Variants in CUX1 observed in about 807,000 individuals in gnomAD.
CUX1 encodes cut like homeobox 1, also known as protein CASP.
CUX1 carries 31 observed loss-of-function variants against 158.8 expected under a neutral mutation model. The ratio of observed to expected loss-of-function variants is 0.20; its 90% CI spans 0.15 to 0.26. CUX1 has a LOEUF of 0.26. CUX1 is among the 10% of genes least tolerant of loss of function. The pLI is 1.00. For synonymous variants in CUX1, 879 were observed against 862.1 expected (o/e 1.02, Z -0.34); for missense variants, 1,589 against 2,014.6 (o/e 0.79, Z 4.04).
intron 6 of CUX1, among the ~76,000 whole-genome samples, chr7:102,108,005 A>G (rs79025455): frequency 0.012 from 1,793 of 152,328 alleles, 81 homozygotes; most frequent in Admixed American, 0.077. Context: ...CCCCGTTGAT[A>G]CGGATTTGGT....
chr7:101,931,003 G>A (rs933143846), intron 2 of CUX1, among the ~76,000 whole-genome samples: 1 of 152,152 alleles, frequency 6.6e-6, no homozygotes, highest in Admixed American at 6.5e-5. Flanking sequence ...AGGCTGAGAC[G>A]GAGAATCACT....
intron 2 of CUX1, among the ~76,000 whole-genome samples, chr7:101,951,890 G>C (rs539695496): frequency 6.6e-6 from 1 of 152,204 alleles, no homozygotes; most frequent in Non-Finnish European, 1.5e-5. Context: ...TGTAGGTTTC[G>C]GCAGGGCCAT....
Position 102,201,797 on chromosome 7 carries a change from A to G in CUX1, c.2500A>G (p.Asn834Asp). The G allele has an allele frequency of 6.2e-7, 1 of 1,612,934 alleles. No individual in the cohort carries two copies. The highest frequency in any genetic ancestry group is 8.5e-7 in the Non-Finnish European group (1 of 1,179,916). ...WWSAVQPERR[N>D]AASSEEAKAE... is the part of the protein sequence containing the mutation. ...GAGCGCGGTGCAGCCGGAGAGAAGA[A>G]ATGCCGCCTCCTCCGAGGAGGCCAA... is the stretch of plus-strand genomic sequence containing the variant. Residue 834 changes from asparagine (N) to aspartate (D), a missense_variant, in exon 18 of 24, where the codon AAT (asparagine) becomes GAT (aspartate). Coordinates refer to ENST00000292535, the MANE Select transcript of CUX1 (RefSeq NM_181552.4). This position sits in a 1 kb window ranked among gnomAD's most constrained non-coding sequence, Gnocchi z 5.0.
At chr7:102,221,836 G>T (rs1267014028) in intron 20 of CUX1, among the ~76,000 whole-genome samples, 1 of 152,030 alleles carries the variant, frequency 6.6e-6, no homozygotes, top group Non-Finnish European at 1.5e-5. Context: ...GTACTGTGCA[G>T]TGGGGCTTTT....
intron 8 of CUX1, among the ~76,000 whole-genome samples, chr7:102,119,932 A>T (rs782354866): frequency 1.6e-4 from 24 of 152,092 alleles, no homozygotes; most frequent in Admixed American, 2.6e-4. Flanking sequence ...GCAAATGGAG[A>T]TTTACCACCC....
intron 20 of CUX1, among the ~76,000 whole-genome samples, chr7:102,212,542 G>T (rs1221982401): frequency 7.2e-5 from 11 of 152,090 alleles, no homozygotes; most frequent in Non-Finnish European, 1.6e-4. Context: ...TGATTTGCAG[G>T]ATTTTTTCCA....
chr7:101,907,540 G>A (rs149015552), intron 1 of CUX1, among the ~76,000 whole-genome samples: 1 of 152,062 alleles, frequency 6.6e-6, no homozygotes, highest in African/African-American at 2.4e-5. Context: ...GTAGAGACAG[G>A]GTTTCACCAT....
At chr7:102,107,074 G>C (rs1281292781) in intron 6 of CUX1, among the ~76,000 whole-genome samples, 6 of 151,692 alleles carry the variant, frequency 4.0e-5, no homozygotes, top group African/African-American at 1.5e-4. Context: ...TGGCATGAAT[G>C]AATGTATGAA....
Position 102,205,143 on chromosome 7 carries a change from C to T in CUX1, c.3103C>T (p.Pro1035Ser). The change falls in exon 20 of 24, where the codon CCG (proline) becomes TCG (serine). Residue 1035 changes from proline to serine, a missense_variant. Transcript: ENST00000292535. ...VLHSVTSLQD[P>S]LQQGCVSSES... ...CCACTCCGTGACATCGCTCCAGGAC[C>T]CGCTGCAGCAGGGCTGTGTGAGCTC... 1 of 1,612,058 alleles carries T rather than the reference C, an allele frequency of 6.2e-7. No homozygotes were observed. Among genetic ancestry groups the T allele is most frequent in the Non-Finnish European group, 8.5e-7 (1 of 1,178,918 alleles).
chr7:101,982,755 A>G (rs1002728903), intron 2 of CUX1, among the ~76,000 whole-genome samples: 3 of 151,616 alleles, frequency 2.0e-5, no homozygotes, highest in Non-Finnish European at 2.9e-5. Flanking sequence ...AAGTTCTAGG[A>G]TACATGTGCA....
At chr7:102,086,027 A>G (rs1827921474) in intron 4 of CUX1, among the ~76,000 whole-genome samples, 1 of 152,160 alleles carries the variant, frequency 6.6e-6, no homozygotes, top group African/African-American at 2.4e-5. Context: ...GATCCATTTC[A>G]TCTAAATTAT....
At chr7:102,279,495 G>A (rs1365706972) in intron 18 of CUX1, among the ~76,000 whole-genome samples, 4 of 152,102 alleles carry the variant, frequency 2.6e-5, no homozygotes, top group African/African-American at 7.2e-5. Context: ...CCTCCCAGGG[G>A]CCACCCCGTG....
At chr7:101,870,589 T>C (rs1198481040) in intron 1 of CUX1, among the ~76,000 whole-genome samples, 1 of 152,194 alleles carries the variant, frequency 6.6e-6, no homozygotes, top group Non-Finnish European at 1.5e-5. Context: ...AAAACTCTTG[T>C]CTAGAAATTA....
intron 2 of CUX1, among the ~76,000 whole-genome samples, chr7:101,937,749 G>C (rs1170846213): frequency 6.6e-6 from 1 of 152,166 alleles, no homozygotes; most frequent in Non-Finnish European, 1.5e-5. Context: ...CTGAGCTCAA[G>C]TGATCCACCC....
chr7:102,095,619 C>T (rs1364986030), intron 4 of CUX1, among the ~76,000 whole-genome samples: 4 of 152,122 alleles, frequency 2.6e-5, no homozygotes, highest in Admixed American at 2.0e-4. Flanking sequence ...ACCTGGCCCT[C>T]GATTCCAGGA....
chr7:102,216,798 ACACACACCCCCACACACACT>A (rs1554525012), intron 20 of CUX1, among the ~76,000 whole-genome samples: 2 of 41,408 alleles, frequency 4.8e-5, no homozygotes, highest in Admixed American at 4.3e-4. Context: ...ACACTCTCCC[ACACACACCCCCACACACACT>A]CTCCCACCAC....
At chr7:102,188,379 T>G (rs899239734) in intron 11 of CUX1, among the ~76,000 whole-genome samples, 3 of 152,038 alleles carry the variant, frequency 2.0e-5, no homozygotes, top group Non-Finnish European at 2.9e-5. Context: ...CCTCATTTCC[T>G]CCAAGGAGCT....
intron 2 of CUX1, among the ~76,000 whole-genome samples, chr7:101,919,137 G>A (rs901904906): frequency 7.2e-5 from 11 of 152,224 alleles, no homozygotes; most frequent in Non-Finnish European, 1.5e-4. Flanking sequence ...GTCGGGGGCT[G>A]TGGCCGGAGT....
At chr7:101,913,478 T>G (rs1051972563) in intron 1 of CUX1, 1 of 1,120,310 alleles carries the variant, frequency 8.9e-7, no homozygotes, top group East Asian at 6.6e-5. Context: ...TTCAGTTTCC[T>G]CCTCCACCAG....
Sources: gnomAD v4.1 joint callset for allele counts (sites outside exome capture counted in the v4.1 genomes callset) on GRCh38, gnomAD v4.1.1 for gene constraint, Gnocchi (gnomAD v3.1) non-coding constraint, MANE v1.5 for transcripts, NCBI Gene and HGNC (gene_info 2026-07-23, HGNC 2026-07-21) for gene names.